PDE2A: variants seen among roughly 807,000 people sequenced by gnomAD.
The protein encoded by PDE2A is phosphodiesterase 2A, also known as cGMP-dependent 3',5'-cyclic phosphodiesterase.
A neutral mutation model predicts 133.6 loss-of-function variants in PDE2A; 53 were observed. That is an observed-to-expected ratio of 0.40 (90% confidence interval 0.32 to 0.50). PDE2A has a LOEUF of 0.50. Ranked by LOEUF, PDE2A falls within the 20% of genes least tolerant of loss-of-function variation. The probability of loss-of-function intolerance (pLI) is 0.73; values close to 1 mark genes in which losing one functional copy is unlikely to be tolerated. For synonymous variants in PDE2A, 491 were observed against 490.2 expected (o/e 1.00, Z -0.02); for missense variants, 796 against 1,232.4 (o/e 0.65, Z 5.30).
chr11:72,626,486 G>A (rs1242479331), intron 2 of PDE2A, among the ~76,000 whole-genome samples: 2 of 152,242 alleles, frequency 1.3e-5, no homozygotes, highest in African/African-American at 4.8e-5. Flanking sequence ...GAATCCAGGA[G>A]GAAGTAGCAC....
At chr11:72,658,627 C>A (rs1854965882) in intron 1 of PDE2A, among the ~76,000 whole-genome samples, 1 of 152,146 alleles carries the variant, frequency 6.6e-6, no homozygotes, top group African/African-American at 2.4e-5. Flanking sequence ...AGACACCACA[C>A]CCAGCCCACA....
In PDE2A at chr11:72,585,692, C is replaced by G. The variant is rs1310011843; in HGVS notation, c.1183-99G>C. On this transcript the variant is annotated intron_variant, in intron 14 of 30. Transcript: ENST00000334456. ...CAGCACCCGGGTCTTCTCCTTCCTT[C>G]CCTAGGGCTCACTGGACAAGCCAGA... The G allele has an allele frequency of 4.9e-6, 5 of 1,014,788 alleles. No homozygotes were observed. The Admixed American group carries it at 8.1e-5, about 16-fold the overall frequency. The allele number at this position is 1,014,788 out of a possible 1,614,324, so 62.9% of individuals were successfully genotyped here.
chr11:72,581,253 C>T lies in PDE2A; in HGVS notation c.2045+104G>A. ...TAGTCCCCTGGGGCTAAGAAGATCC[C>T]ATGAGGCAGTGCGTGTAAAGTGCCT... On this transcript the variant is annotated intron_variant, in intron 23 of 30. Coordinates refer to ENST00000334456, the MANE Select transcript of PDE2A (RefSeq NM_002599.5). 6.7e-6 allele frequency: 8 copies of T among 1,186,656 alleles called. No individual in the cohort carries two copies. In the South Asian group the frequency reaches 1.1e-4, roughly 16 times the overall value. 73.5% of individuals were successfully genotyped at this position (1,186,656 alleles called of 1,614,324 possible).
chr11:72,612,155 G>A lies in PDE2A; in HGVS notation c.145-3404C>T, dbSNP rs376094915. Among the ~76,000 whole-genome samples the A allele has an allele frequency of 4.5e-4, 68 of 152,138 alleles. No individual in the cohort carries two copies. The South Asian group carries it at 0.014, about 30-fold the overall frequency. ...ATGCCACACAAATACATATTGCTAC[G>A]CACTCCTCTACTCATACGTATATGC... is the stretch of plus-strand genomic sequence containing the variant. On this transcript the variant is annotated intron_variant, in intron 2 of 30. Transcript: ENST00000334456.
chr11:72,661,951 G>C (rs1276382227), intron 1 of PDE2A, among the ~76,000 whole-genome samples: 1 of 152,198 alleles, frequency 6.6e-6, no homozygotes, highest in Non-Finnish European at 1.5e-5. Flanking sequence ...TCTGTGTTGT[G>C]TGTGTACTGT....
intron 2 of PDE2A, among the ~76,000 whole-genome samples, chr11:72,638,836 G>T (rs995260432): frequency 6.6e-6 from 1 of 152,196 alleles, no homozygotes; most frequent in Non-Finnish European, 1.5e-5. Flanking sequence ...GAGAAGGCTG[G>T]AGGCCCAGGG....
intron 2 of PDE2A, among the ~76,000 whole-genome samples, chr11:72,609,715 T>C (rs1267615922): frequency 2.0e-5 from 3 of 152,088 alleles, no homozygotes; most frequent in Non-Finnish European, 4.4e-5. Flanking sequence ...CCACCAGCCA[T>C]GCCCTCCCGC....
At chr11:72,659,856 G>A (rs533986415) in intron 1 of PDE2A, among the ~76,000 whole-genome samples, 2 of 152,250 alleles carry the variant, frequency 1.3e-5, no homozygotes, top group South Asian at 2.1e-4. Context: ...ACTTCCAGCC[G>A]ATCCAACCCT....
intron 6 of PDE2A, among the ~76,000 whole-genome samples, chr11:72,595,315 T>G: frequency 6.6e-6 from 1 of 151,974 alleles, no homozygotes; most frequent in South Asian, 2.1e-4. Context: ...CTCACCTCAG[T>G]GCCCCTCAAA....
intron 2 of PDE2A, among the ~76,000 whole-genome samples, chr11:72,614,197 C>T (rs1031090902): frequency 4.6e-5 from 7 of 152,246 alleles, no homozygotes; most frequent in Non-Finnish European, 7.3e-5. Context: ...GCCAAGGAGA[C>T]GCCTCTCAAA....
intron 1 of PDE2A, among the ~76,000 whole-genome samples, chr11:72,655,450 C>T (rs1854868719): frequency 6.6e-6 from 1 of 152,168 alleles, no homozygotes; most frequent in Non-Finnish European, 1.5e-5. Flanking sequence ...GGTACAAGAG[C>T]CAAAATGGTG....
rs369029464 is a variant in PDE2A, at chr11:72,647,500, G to C, written c.72-5174C>G. 2.4e-4 allele frequency among the ~76,000 whole-genome samples: 37 copies of C among 152,374 alleles called. 1 individual carries two copies. Among genetic ancestry groups the C allele is most frequent in the African/African-American group, 8.9e-4 (37 of 41,594 alleles). ...GTCCTACGCAGGCACCAGGCCCAAA[G>C]ATATGGACAAGGGCTGGATCCTGGT... On this transcript the variant is annotated intron_variant, in intron 1 of 30. Transcript: ENST00000334456.
chr11:72,642,383 A>AGCCG, intron 1 of PDE2A, 57 bp from the exon 2 acceptor site: 1 of 1,315,672 alleles, frequency 7.6e-7, no homozygotes, highest in Non-Finnish European at 9.8e-7. Context: ...CCATGCTCGC[A>AGCCG]GCCGCCCGCC....
rs1857004309 is a variant in PDE2A, at chr11:72,607,129, G to A, written c.234+1533C>T. 2.0e-5 allele frequency among the ~76,000 whole-genome samples: 3 copies of A among 152,222 alleles called. No individual in the cohort carries two copies. In the South Asian group the frequency reaches 6.2e-4, roughly 31 times the overall value. On this transcript the variant is annotated intron_variant, in intron 3 of 30. Transcript: ENST00000334456. ...TGCAATCAAGCCAGGACTCCCGAAA[G>A]TCAGGGCTTCCCTAGCTCCTATAGG...
Position 72,577,409 on chromosome 11 carries a change from C to T in PDE2A, c.2801G>A (p.Gly934Asp). Reference sequence around the variant, plus strand: ...TCACTCAGCATCAAGGCTGCAGCAGCCATTGATGGGGGCCCTAGTGCCATC... The same window carrying T: ...TCACTCAGCATCAAGGCTGCAGCAGTCATTGATGGGGGCCCTAGTGCCATC... Reference protein sequence around the residue: ...DLDGTRAPINGCCSLDAE With the variant: ...DLDGTRAPINDCCSLDAE Residue 934 changes from glycine (G) to aspartate (D), a missense_variant, in exon 31 of 31, where the codon GGC becomes GAC. By Grantham distance (94) the Gly-to-Asp change is moderately conservative (BLOSUM62 -1). This residue lies in a region of PDE2A where 83 missense variants were observed against 99.0 expected (regional missense o/e 0.84). Coordinates refer to ENST00000334456, the MANE Select transcript of PDE2A (RefSeq NM_002599.5). The T allele has an allele frequency of 6.2e-7, 1 of 1,613,710 alleles. No homozygotes were observed. Among genetic ancestry groups the T allele is most frequent in the Non-Finnish European group, 8.5e-7 (1 of 1,179,876 alleles).
rs763142851 is a variant in PDE2A, at chr11:72,634,835, C to G, written c.144+7419G>C. The stretch of plus-strand genomic sequence containing the variant: ...AAGAACAGGGTCTTCCCTCCTCAGC[C>G]TATACTGAGAGGGTGCTGATGGGAC... On this transcript the variant is annotated intron_variant, in intron 2 of 30. Transcript: ENST00000334456. 7.6e-4 allele frequency among the ~76,000 whole-genome samples: 116 copies of G among 152,254 alleles called. 2 individuals carry two copies. The highest frequency in any genetic ancestry group is 2.4e-4 in the Non-Finnish European group (16 of 68,052).
chr11:72,621,741 C>T (rs1360553867), intron 2 of PDE2A: 3 of 152,230 alleles, frequency 2.0e-5, no homozygotes, highest in African/African-American at 7.2e-5. Flanking sequence ...CATCCAGGAC[C>T]TCCTAGCCTT....
At chr11:72,615,780 G>A (rs1372581549) in intron 2 of PDE2A, among the ~76,000 whole-genome samples, 2 of 152,182 alleles carry the variant, frequency 1.3e-5, no homozygotes, top group Non-Finnish European at 2.9e-5. Flanking sequence ...TCTGGCCTGG[G>A]GCCCACGAGG....
At chr11:72,629,722 G>A (rs7111188) in intron 2 of PDE2A, among the ~76,000 whole-genome samples, 22,545 of 152,132 alleles carry the variant, frequency 0.15, 1,755 homozygotes, top group Middle Eastern at 0.17. Flanking sequence ...CTCAGGGGCC[G>A]GGAAAGAGTG....
Sources: allele counts gnomAD v4.1 joint callset (sites outside exome capture counted in the v4.1 genomes callset), GRCh38; gene constraint gnomAD v4.1.1; regional missense constraint gnomAD v4.1.1; transcripts MANE v1.5; gene names NCBI Gene and HGNC (gene_info 2026-07-23, HGNC 2026-07-21).